The following CCDC30 variants were observed in gnomAD, a reference collection of about 807,000 sequenced individuals.
CCDC30 encodes coiled-coil domain containing 30.
In CCDC30, 70 loss-of-function variants were observed where a neutral mutation model predicts 100.2. The ratio of observed to expected loss-of-function variants is 0.70; its 90% CI spans 0.58 to 0.85. The LOEUF (loss-of-function observed/expected upper bound fraction) is 0.85, where lower values mean the gene tolerates loss of function less well. CCDC30 is among the 40% of genes least tolerant of loss of function. The probability of loss-of-function intolerance (pLI) is 0.00; values close to 1 mark genes in which losing one functional copy is unlikely to be tolerated. For synonymous variants in CCDC30, 233 were observed against 269.5 expected (o/e 0.86, Z 1.33); for missense variants, 652 against 771.2 (o/e 0.85, Z 1.83).
At chr1:42,517,861 T>C (rs994075144) in intron 6 of CCDC30, among the ~76,000 whole-genome samples, 3 of 152,252 alleles carry the variant, frequency 2.0e-5, no homozygotes, top group Admixed American at 2.0e-4. Flanking sequence ...TGACACTGTT[T>C]TGAACACTGC....
At chr1:42,526,223 A>G (rs1644722110) in intron 6 of CCDC30, among the ~76,000 whole-genome samples, 1 of 152,176 alleles carries the variant, frequency 6.6e-6, no homozygotes, top group Non-Finnish European at 1.5e-5. Flanking sequence ...CTAGTGGAGT[A>G]AAGTCCCCCA....
chr1:42,552,205 C>A (rs1645266029), intron 6 of CCDC30, among the ~76,000 whole-genome samples: 1 of 152,144 alleles, frequency 6.6e-6, no homozygotes, highest in Admixed American at 6.5e-5. Context: ...CATGTGAATG[C>A]AATTTATTTA....
At chr1:42,545,162 T>TAAAAAAAAAAA (rs57060353) in intron 6 of CCDC30, among the ~76,000 whole-genome samples, 18 of 64,696 alleles carry the variant, frequency 2.8e-4, no homozygotes, top group Admixed American at 5.5e-4. Context: ...AAAATACCTT[T>TAAAAAAAAAAA]AAAAAAAAAA....
chr1:42,500,169 T>G (rs926946897), intron 6 of CCDC30: 4 of 1,442,324 alleles, frequency 2.8e-6, no homozygotes, highest in Non-Finnish European at 3.9e-6. Flanking sequence ...GCAATGCTTG[T>G]GGAACGTACA....
the CCDC30 span, among the ~76,000 whole-genome samples, chr1:42,457,970 A>AC: frequency 1.3e-5 from 2 of 150,836 alleles, no homozygotes; most frequent in Admixed American, 6.6e-5. Context: ...AAAAAAAAAA[A>AC]CACCAAAAAT....
chr1:42,456,307 C>G, the CCDC30 span: 1 of 595,734 alleles, frequency 1.7e-6, no homozygotes, highest in African/African-American at 1.9e-5. Flanking sequence ...TTCACCCAGG[C>G]TAGGAAACGA....
At chr1:42,507,510 CA>C (rs1408837505) in intron 6 of CCDC30, among the ~76,000 whole-genome samples, 1 of 152,138 alleles carries the variant, frequency 6.6e-6, no homozygotes, top group Non-Finnish European at 1.5e-5. Flanking sequence ...TAATTTAAGA[CA>C]ATTCTTTATG....
At chr1:42,527,516 T>C (rs575801386) in intron 6 of CCDC30, among the ~76,000 whole-genome samples, 1 of 152,326 alleles carries the variant, frequency 6.6e-6, no homozygotes, top group East Asian at 1.9e-4. Context: ...TCAGTAATCA[T>C]TGAGTGAATT....
At chr1:42,477,980 C>T (rs1418924666) in intron 1 of CCDC30, among the ~76,000 whole-genome samples, 1 of 152,164 alleles carries the variant, frequency 6.6e-6, no homozygotes, top group African/African-American at 2.4e-5. Flanking sequence ...AGAAATGTGG[C>T]TGGAGATATT....
At chr1:42,509,500 C>A (rs1401295844) in intron 6 of CCDC30, among the ~76,000 whole-genome samples, 1 of 152,148 alleles carries the variant, frequency 6.6e-6, no homozygotes, top group Non-Finnish European at 1.5e-5. Flanking sequence ...CAGGAACTGA[C>A]TTAGCACAGA....
chr1:42,635,612 A>G (rs1358900662), intron 11 of CCDC30, among the ~76,000 whole-genome samples: 3 of 151,412 alleles, frequency 2.0e-5, no homozygotes, highest in Non-Finnish European at 4.4e-5. Flanking sequence ...GATTGAGACC[A>G]TCCTGACTAA....
At chr1:42,490,363 A>G (rs72659921) in intron 4 of CCDC30, 134 bp downstream of exon 4, 52,747 of 366,688 alleles carry the variant, frequency 0.14, 4,074 homozygotes, top group East Asian at 0.17. Flanking sequence ...GTGCCACTGC[A>G]CTCCAGCCTG....
chr1:42,485,519 C>T (rs1338391081), intron 3 of CCDC30, among the ~76,000 whole-genome samples: 2 of 151,990 alleles, frequency 1.3e-5, no homozygotes, highest in East Asian at 1.9e-4. Flanking sequence ...AAGGGCTGGG[C>T]GTGGTGACAT....
chr1:42,619,026 A>G (rs1646779987), intron 11 of CCDC30, among the ~76,000 whole-genome samples: 2 of 152,330 alleles, frequency 1.3e-5, no homozygotes, highest in African/African-American at 4.8e-5. Flanking sequence ...CAGAAAATGT[A>G]GTTCCTATGC....
At chr1:42,577,931 C>T (rs1159232581) in intron 8 of CCDC30, among the ~76,000 whole-genome samples, 4 of 152,130 alleles carry the variant, frequency 2.6e-5, no homozygotes, top group African/African-American at 7.2e-5. Flanking sequence ...TGAGCCACCG[C>T]GCCTGGCCCA....
chr1:42,500,752 AGTTTT>A (rs1644300530), intron 6 of CCDC30, among the ~76,000 whole-genome samples: 1 of 148,776 alleles, frequency 6.7e-6, no homozygotes, highest in African/African-American at 2.4e-5. Flanking sequence ...TTGTAGAAGT[AGTTTT>A]GTTTTGTTTT....
rs543159410 is a variant in CCDC30 at position 42,502,292 on chromosome 1, A to G, written c.456+3376A>G. Among the ~76,000 whole-genome samples the G allele has an allele frequency of 2.0e-5, 3 of 147,684 alleles. No homozygotes were observed. In the South Asian group the frequency reaches 6.2e-4, roughly 31 times the overall value. ...CCCTCCGAGCCATGCGTGGGATATAATCTCCTGGTGTGCCATTTGCTAAGA... is the reference window on the plus strand; with the variant it reads ...CCCTCCGAGCCATGCGTGGGATATAGTCTCCTGGTGTGCCATTTGCTAAGA... On this transcript the variant is annotated intron_variant, in intron 6 of 16. Transcript: ENST00000668663.
intron 6 of CCDC30, chr1:42,500,139 A>G (rs1027179075): frequency 2.2e-6 from 3 of 1,363,764 alleles, no homozygotes; most frequent in Non-Finnish European, 1.0e-6. Flanking sequence ...TTAAACAGCT[A>G]AAAGAAGTAA....
At chr1:42,643,110 G>A (rs1647595761) in intron 13 of CCDC30, among the ~76,000 whole-genome samples, 1 of 152,192 alleles carries the variant, frequency 6.6e-6, no homozygotes. Context: ...AGAGTGGGTT[G>A]ATGTTAACAA....
Sources: allele counts gnomAD v4.1 joint callset (sites outside exome capture counted in the v4.1 genomes callset), GRCh38; gene constraint gnomAD v4.1.1; transcripts MANE v1.5; gene names NCBI Gene and HGNC (gene_info 2026-07-23, HGNC 2026-07-21).